The following HGFAC variants were observed in gnomAD, a reference collection of about 807,000 sequenced individuals.
The protein encoded by HGFAC is HGF activator, also known as hepatocyte growth factor activator serine protease.
HGFAC carries 76 observed loss-of-function variants against 70.6 expected under a neutral mutation model. That is an observed-to-expected ratio of 1.08 (90% confidence interval 0.89 to 1.30). HGFAC has a LOEUF of 1.30. HGFAC is among the 50% of genes most tolerant of loss of function. The pLI is 0.00. For synonymous variants in HGFAC, 464 were observed against 405.3 expected (o/e 1.14, Z -1.74); for missense variants, 1,044 against 933.7 (o/e 1.12, Z -1.54).
intron 9 of HGFAC, 87 bp from the exon 10 acceptor site, chr4:3,445,955 A>T (rs1425659160): frequency 9.6e-6 from 15 of 1,566,842 alleles, no homozygotes; most frequent in Non-Finnish European, 1.2e-5. Flanking sequence ...GGCCCTCTGC[A>T]GCGCCTCCTG....
Position 3,443,380 on chromosome 4 carries a change from G to A in HGFAC, c.435G>A (p.Trp145Ter). The A allele has an allele frequency of 6.6e-7, 1 of 1,525,672 alleles. No homozygotes were observed. The highest frequency in any genetic ancestry group is 1.7e-4 in the Middle Eastern group (1 of 5,852). 94.5% of individuals were successfully genotyped at this position (1,525,672 alleles called of 1,614,324 possible). Residue 145 changes from tryptophan (W) to a stop codon, truncating the protein, a stop_gained, in exon 4 of 14, where the codon TGG becomes TGA. Coordinates refer to ENST00000382774, the MANE Select transcript of HGFAC (RefSeq NM_001528.4). LOFTEE classifies it high-confidence loss of function. ...TTHNYDRDRAWGYCVEATPPP... is the reference protein window; with the variant it reads ...TTHNYDRDRA ...ACAACTACGACCGGGACAGGGCCTG[G>A]GGCTACTGTGTGGAGGCCACCCCGC...
At chr4:3,445,221 A>C in intron 8 of HGFAC, 44 bp from the exon 9 acceptor site, 1 of 1,474,264 alleles carries the variant, frequency 6.8e-7, no homozygotes, top group South Asian at 1.2e-5. Flanking sequence ...GCCCTCTTCG[A>C]GGGGCAGTGT....
At chr4:3,444,016 C>A in intron 4 of HGFAC, 23 bp from the exon 5 acceptor site, 1 of 1,558,948 alleles carries the variant, frequency 6.4e-7, no homozygotes, top group South Asian at 1.2e-5. Flanking sequence ...CCGCCCCTCA[C>A]ACCCCCTCCC....
chr4:3,442,070 C>T lies in HGFAC; in HGVS notation c.69C>T (p.Leu23=), dbSNP rs538844201. The T allele has an allele frequency of 3.9e-6, 6 of 1,531,380 alleles. No homozygotes were observed. Among genetic ancestry groups the T allele is most frequent in the South Asian group, 2.4e-5 (2 of 81,874 alleles). 94.9% of individuals were successfully genotyped at this position (1,531,380 alleles called of 1,614,324 possible). ...GGCTGGGCCCCTTCCTCCTCCTCCT[C>T]CTGCTGCTGCTGCTGCTGCCACGGG... is the stretch of plus-strand genomic sequence containing the variant. ...PPGLGPFLLL[L]LLLLLLPRGF... The change falls in exon 1 of 14, where the codon CTC becomes CTT. Residue 23 remains leucine, a synonymous_variant. Coordinates refer to ENST00000382774, the MANE Select transcript of HGFAC (RefSeq NM_001528.4).
At chr4:3,444,557 G>A (rs45579537) in intron 6 of HGFAC, 66 bp from the exon 7 acceptor site, 10 of 1,505,148 alleles carry the variant, frequency 6.6e-6, no homozygotes, top group African/African-American at 1.4e-5. Context: ...GGTGGACCCC[G>A]GCCCCGACTC....
At chr4:3,443,900 C>T in intron 4 of HGFAC, 139 bp from the exon 5 acceptor site, 1 of 930,798 alleles carries the variant, frequency 1.1e-6, no homozygotes, top group East Asian at 2.7e-5. Flanking sequence ...ACCTTGCACC[C>T]CGAGGGGCGT....
In HGFAC at chr4:3,447,602, C is replaced by T. The variant is rs368756601; in HGVS notation, c.1466C>T (p.Ser489Leu). The change falls in exon 11 of 14, where the codon TCG becomes TTG. Residue 489 changes from serine to leucine, a missense_variant. By Grantham distance (145) the Ser-to-Leu change is moderately radical. Transcript: ENST00000382774. ...AAGTACATCCCGTACACCCTGTACT[C>T]GGTGTTCAACCCCAGCGACCACGAC... Reference protein sequence around the residue: ...IEKYIPYTLYSVFNPSDHDLV... With the variant: ...IEKYIPYTLYLVFNPSDHDLV... 59 of 1,612,650 alleles carry T rather than the reference C, an allele frequency of 3.7e-5. No individual in the cohort carries two copies. The African/African-American group carries it at 4.0e-4, about 11-fold the overall frequency.
intron 8 of HGFAC, 81 bp from the exon 9 acceptor site, chr4:3,445,184 C>A: frequency 2.2e-6 from 3 of 1,349,022 alleles, no homozygotes; most frequent in East Asian, 2.5e-5. Context: ...AACCGCCCTG[C>A]TGGGGGTTCC....
Position 3,442,070 on chromosome 4 carries a change from C to CCTG in HGFAC, c.86_88dup (p.Leu29dup), listed in dbSNP as rs761569703. Reference sequence around the variant, plus strand: ...GGCTGGGCCCCTTCCTCCTCCTCCTCCTGCTGCTGCTGCTGCTGCCACGGG... The same window carrying CCTG: ...GGCTGGGCCCCTTCCTCCTCCTCCTCCTGCTGCTGCTGCTGCTGCTGCCACGGG... On this transcript the variant is annotated inframe_insertion, in exon 1 of 14. Coordinates refer to ENST00000382774, the MANE Select transcript of HGFAC (RefSeq NM_001528.4). 121 of 1,531,360 alleles carry CCTG rather than the reference C, an allele frequency of 7.9e-5. No homozygotes were observed. Among genetic ancestry groups the CCTG allele is most frequent in the Admixed American group, 1.8e-4 (9 of 48,936 alleles). The allele number at this position is 1,531,360 out of a possible 1,614,324, so 94.9% of individuals were successfully genotyped here.
At chr4:3,444,578 G>T in intron 6 of HGFAC, 45 bp from the exon 7 acceptor site, 1 of 1,535,514 alleles carries the variant, frequency 6.5e-7, no homozygotes, top group East Asian at 2.3e-5. Flanking sequence ...CGCTGTCGTG[G>T]GGCACTGCGC....
rs775720424 is a variant in HGFAC, at chr4:3,444,336, C to T, written c.624C>T (p.Tyr208=). 57 of 1,596,552 alleles carry T rather than the reference C, an allele frequency of 3.6e-5. No homozygotes were observed. Among genetic ancestry groups the T allele is most frequent in the Middle Eastern group, 3.3e-4 (2 of 6,034 alleles). ...AGAAATGCTTTGATGAGACCCGCTA[C>T]GAGTACCTGGAGGGGGGCGACCGCT... is the stretch of plus-strand genomic sequence containing the variant. ...GTEKCFDETR[Y]EYLEGGDRWA... is the part of the protein sequence containing the mutation. The change falls in exon 6 of 14, where the codon TAC becomes TAT. Residue 208 remains tyrosine, a synonymous_variant. Coordinates refer to ENST00000382774, the MANE Select transcript of HGFAC (RefSeq NM_001528.4).
chr4:3,447,733 G>A, intron 11 of HGFAC, 102 bp downstream of exon 11: 12 of 1,551,960 alleles, frequency 7.7e-6, no homozygotes, highest in Non-Finnish European at 1.1e-5. Context: ...TGTGGTGCGG[G>A]GGAAGCTGGG....
chr4:3,443,154 C>G lies in HGFAC; in HGVS notation c.395+8C>G. 6.6e-7 allele frequency: 1 copy of G among 1,510,826 alleles called. No homozygotes were observed. Among genetic ancestry groups the G allele is most frequent in the South Asian group, 1.3e-5 (1 of 77,316 alleles). 93.6% of individuals were successfully genotyped at this position (1,510,826 alleles called of 1,614,324 possible). A position where few individuals can be genotyped will look rare whatever the true frequency, so the allele number is the denominator to read the frequency against. On this transcript the variant is annotated splice_region_variant and intron_variant, in intron 3 of 13. Coordinates refer to ENST00000382774, the MANE Select transcript of HGFAC (RefSeq NM_001528.4). ...CAGTGCACACAGGAAGTGGTGGGTCCGGGCAGCCGGGGCACCCGAGCTGGG... is the reference window on the plus strand; with the variant it reads ...CAGTGCACACAGGAAGTGGTGGGTCGGGGCAGCCGGGGCACCCGAGCTGGG...
intron 10 of HGFAC, 148 bp from the exon 11 acceptor site, chr4:3,447,344 A>G (rs903652015): frequency 3.9e-6 from 3 of 765,900 alleles, no homozygotes; most frequent in Non-Finnish European, 6.3e-6. Flanking sequence ...CAGTATCAAC[A>G]GCCCACACCC....
intron 13 of HGFAC, among the ~76,000 whole-genome samples, chr4:3,448,715 G>A (rs914534731): frequency 1.3e-5 from 2 of 152,178 alleles, no homozygotes; most frequent in African/African-American, 4.8e-5. Flanking sequence ...GTGCTCAGGC[G>A]GCACGGCAAC....
At chr4:3,448,057 C>A (rs989389266) in intron 12 of HGFAC, 22 bp downstream of exon 12, 3 of 1,553,458 alleles carry the variant, frequency 1.9e-6, no homozygotes, top group Non-Finnish European at 1.7e-6. Flanking sequence ...GGGGGGCGCC[C>A]AGCGCCCCGC....
chr4:3,443,828 A>T (rs550496475), intron 4 of HGFAC, among the ~76,000 whole-genome samples: 3 of 152,042 alleles, frequency 2.0e-5, no homozygotes, highest in Admixed American at 6.5e-5. Context: ...CAGCTGGGCC[A>T]GTGGCCCAGG....
chr4:3,444,905 T>C lies in HGFAC; in HGVS notation c.928T>C (p.Trp310Arg), dbSNP rs1410349346. The change falls in exon 8 of 14, where the codon TGG (tryptophan) becomes CGG (arginine). Residue 310 changes from tryptophan to arginine, a missense_variant. Physicochemically the swap from Trp to Arg is moderately radical, Grantham distance 101. Coordinates refer to ENST00000382774, the MANE Select transcript of HGFAC (RefSeq NM_001528.4). The part of the protein sequence containing the change: ...TSASGLSCLA[W>R]NSDLLYQELH... ...AGCCTCGGGCCTCAGCTGCCTGGCC[T>C]GGAACTCCGATCTGCTCTACCAGGA... 4.3e-6 allele frequency: 7 copies of C among 1,609,292 alleles called. No homozygotes were observed. Among genetic ancestry groups the C allele is most frequent in the Non-Finnish European group, 5.9e-6 (7 of 1,178,600 alleles).
rs1304110932 is a variant in HGFAC, at chr4:3,444,266, G to A, written c.599-45G>A. On this transcript the variant is annotated intron_variant, in intron 5 of 13. Coordinates refer to ENST00000382774, the MANE Select transcript of HGFAC (RefSeq NM_001528.4). ...AGTGCAGGGCAGGGGCCCTGCACGG[G>A]GACAGCAGGTGGCAGGGTGTGAGGG... 4 of 1,568,376 alleles carry A rather than the reference G, an allele frequency of 2.6e-6. No homozygotes were observed. The African/African-American group carries it at 4.1e-5, about 16-fold the overall frequency.
Sources: gnomAD v4.1 joint callset for allele counts (sites outside exome capture counted in the v4.1 genomes callset) on GRCh38, gnomAD v4.1.1 for gene constraint, MANE v1.5 for transcripts, NCBI Gene and HGNC (gene_info 2026-07-23, HGNC 2026-07-21) for gene names.